TACR3: variants seen among roughly 807,000 people sequenced by gnomAD.
TACR3 encodes the protein tachykinin receptor 3.
TACR3 carries 34 observed loss-of-function variants against 35.0 expected under a neutral mutation model. The ratio of observed to expected loss-of-function variants is 0.97; its 90% confidence interval spans 0.74 to 1.30. The LOEUF is 1.30. TACR3 is among the 50% of genes most tolerant of loss of function. The pLI, the probability that TACR3 is intolerant of heterozygous loss-of-function variation, is 0.00. For missense variants in TACR3, 558 were observed against 591.7 expected (o/e 0.94, Z 0.59); for synonymous variants, 233 against 221.1 (o/e 1.05, Z -0.48).
At position 103,624,697 on chromosome 4, in the gene TACR3, A is replaced by T. The variant is rs113855958; in HGVS notation, c.888+31497T>A. 1.2e-4 allele frequency among the ~76,000 whole-genome samples: 19 copies of T among 152,346 alleles called. No individual in the cohort carries two copies. The East Asian group carries it at 2.5e-3, about 20-fold the overall frequency. ...ACAGCATGTAATTGGAATTACAGAA[A>T]TAAAGCATTTGTGTAACATGGTTTG... is the stretch of plus-strand genomic sequence containing the variant. On this transcript the variant is annotated intron_variant, in intron 3 of 4. Coordinates refer to ENST00000304883, the MANE Select transcript of TACR3 (RefSeq NM_001059.3).
At chr4:103,619,608 A>G (rs1724733798) in intron 3 of TACR3, among the ~76,000 whole-genome samples, 1 of 152,298 alleles carries the variant, frequency 6.6e-6, no homozygotes, top group African/African-American at 2.4e-5. Context: ...GGTCTCAAGG[A>G]GAATGGTTTG....
intron 3 of TACR3, among the ~76,000 whole-genome samples, chr4:103,633,060 C>T (rs541713102): frequency 7.8e-5 from 8 of 102,458 alleles, no homozygotes; most frequent in Non-Finnish European, 1.4e-4. Context: ...CTTTTTGTCC[C>T]TCTTACTGAC....
At chr4:103,707,188 A>G (rs965262865) in intron 1 of TACR3, among the ~76,000 whole-genome samples, 7 of 152,254 alleles carry the variant, frequency 4.6e-5, no homozygotes, top group Non-Finnish European at 8.8e-5. Context: ...TTGAAACTCA[A>G]GTATCAGAAA....
chr4:103,621,541 A>G (rs1263816628), intron 3 of TACR3, among the ~76,000 whole-genome samples: 1 of 152,252 alleles, frequency 6.6e-6, no homozygotes, highest in Non-Finnish European at 1.5e-5. Flanking sequence ...AGTTCTAAAC[A>G]AGAATGGAGA....
At chr4:103,705,089 A>T (rs1034053570) in intron 1 of TACR3, among the ~76,000 whole-genome samples, 1 of 152,074 alleles carries the variant, frequency 6.6e-6, no homozygotes, top group Admixed American at 6.6e-5. Context: ...TTTAAATATG[A>T]GTTTTTATTA....
intron 4 of TACR3, among the ~76,000 whole-genome samples, chr4:103,590,946 G>C (rs1723878391): frequency 6.6e-6 from 1 of 151,982 alleles, no homozygotes; most frequent in Non-Finnish European, 1.5e-5. Context: ...TCTCCATAGA[G>C]GCTGCATGCT....
intron 1 of TACR3, among the ~76,000 whole-genome samples, chr4:103,688,893 T>C (rs185375435): frequency 0.15 from 23,038 of 152,038 alleles, 2,264 homozygotes; most frequent in East Asian, 0.43. Flanking sequence ...GCCATCCCAT[T>C]ACTGGGTATA....
chr4:103,604,339 G>C (rs1365796822), intron 3 of TACR3, among the ~76,000 whole-genome samples: 2 of 152,198 alleles, frequency 1.3e-5, no homozygotes, highest in Non-Finnish European at 2.9e-5. Context: ...CTAGCCATAT[G>C]CAGAAAACTG....
chr4:103,676,942 T>A (rs2189220), intron 1 of TACR3, among the ~76,000 whole-genome samples: 51,602 of 151,996 alleles, frequency 0.34, 13,822 homozygotes, highest in African/African-American at 0.74. Context: ...AATGGGAGAA[T>A]ATTTTTGCAA....
At position 103,647,390 on chromosome 4, in the gene TACR3, A is replaced by G. The variant is rs1979478; in HGVS notation, c.888+8804T>C. On this transcript the variant is annotated intron_variant, in intron 3 of 4. Transcript: ENST00000304883. Reference sequence around the variant, plus strand: ...TTTTCTAGATACTAAATTATTCTCAAATTGGAATGTAAGCATTAATATAAC... The same window carrying G: ...TTTTCTAGATACTAAATTATTCTCAGATTGGAATGTAAGCATTAATATAAC... 5.5e-3 allele frequency among the ~76,000 whole-genome samples: 840 copies of G among 152,036 alleles called. 32 individuals carry two copies. Among genetic ancestry groups the G allele is most frequent in the Admixed American group, 0.043 (650 of 15,222 alleles).
chr4:103,600,702 T>C (rs950291732), intron 3 of TACR3, among the ~76,000 whole-genome samples: 5 of 152,356 alleles, frequency 3.3e-5, no homozygotes, highest in African/African-American at 1.2e-4. Flanking sequence ...TATTTCTGCC[T>C]TCATTTCATT....
intron 3 of TACR3, among the ~76,000 whole-genome samples, chr4:103,603,156 G>A (rs1437779465): frequency 6.6e-6 from 1 of 152,200 alleles, no homozygotes; most frequent in Non-Finnish European, 1.5e-5. Flanking sequence ...TGCTGTGCTA[G>A]CAATGAGCAA....
chr4:103,708,169 G>T (rs946460676), intron 1 of TACR3, among the ~76,000 whole-genome samples: 30 of 152,176 alleles, frequency 2.0e-4, no homozygotes, highest in Admixed American at 6.5e-5. Context: ...CTCCCAGCAG[G>T]GAGTTTGAGA....
chr4:103,701,701 G>T (rs1395633465), intron 1 of TACR3, among the ~76,000 whole-genome samples: 5 of 152,052 alleles, frequency 3.3e-5, no homozygotes, highest in Non-Finnish European at 5.9e-5. Flanking sequence ...CCAAAACAGA[G>T]ATATAGATCA....
intron 3 of TACR3, among the ~76,000 whole-genome samples, chr4:103,613,486 ATT>A (rs764749592): frequency 4.1e-5 from 6 of 144,678 alleles, no homozygotes; most frequent in Non-Finnish European, 6.1e-5. Context: ...CGCCCGGCTA[ATT>A]TTTTTTTTTT....
intron 3 of TACR3, among the ~76,000 whole-genome samples, chr4:103,626,871 T>G (rs116355840): frequency 6.6e-6 from 1 of 151,990 alleles, no homozygotes; most frequent in Admixed American, 6.6e-5. Context: ...AAGGTCCCTA[T>G]GTATTGTTTT....
At chr4:103,635,316 ATGAC>A (rs1296097852) in intron 3 of TACR3, among the ~76,000 whole-genome samples, 6 of 151,922 alleles carry the variant, frequency 3.9e-5, no homozygotes, top group Non-Finnish European at 7.4e-5. Flanking sequence ...AGGTGGAACA[ATGAC>A]TGAGATTGAA....
chr4:103,680,889 T>C (rs565963213), intron 1 of TACR3, among the ~76,000 whole-genome samples: 1 of 152,076 alleles, frequency 6.6e-6, no homozygotes, highest in East Asian at 1.9e-4. Flanking sequence ...CATCTACCTC[T>C]TTGATAACAG....
At chr4:103,699,091 C>A (rs1000286131) in intron 1 of TACR3, among the ~76,000 whole-genome samples, 1 of 152,118 alleles carries the variant, frequency 6.6e-6, no homozygotes, top group East Asian at 1.9e-4. Context: ...ACAAGTCAAA[C>A]CTTGTTTTCA....
Sources: gnomAD v4.1 joint callset for allele counts (sites outside exome capture counted in the v4.1 genomes callset) on GRCh38, gnomAD v4.1.1 for gene constraint, MANE v1.5 for transcripts, NCBI Gene and HGNC (gene_info 2026-07-23, HGNC 2026-07-21) for gene names.